Variants in NXPH1 observed in about 807,000 individuals in gnomAD.
NXPH1 encodes neurexophilin-1.
Under a neutral mutation model 23.7 loss-of-function variants are expected in NXPH1, and 5 were observed. That is an observed-to-expected ratio of 0.21 (90% CI 0.11 to 0.44). The LOEUF is 0.44. Among genes scored for constraint, NXPH1 ranks in the 20% least tolerant of loss-of-function variants. The pLI is 0.99. For missense variants in NXPH1, 324 were observed against 321.6 expected, an observed-to-expected ratio of 1.01 and a Z score of -0.06; for synonymous variants, 144 against 122.2, an observed-to-expected ratio of 1.18 and a Z score of -1.18.
intron 2 of NXPH1, among the ~76,000 whole-genome samples, chr7:8,579,646 A>G (rs192274857): frequency 6.6e-6 from 1 of 152,346 alleles, no homozygotes; most frequent in Non-Finnish European, 1.5e-5. Context: ...TGCTGGGATT[A>G]TAGGCGTGAG....
At chr7:8,656,625 G>A (rs1431016129) in intron 2 of NXPH1, among the ~76,000 whole-genome samples, 1 of 150,288 alleles carries the variant, frequency 6.7e-6, no homozygotes, top group Non-Finnish European at 1.5e-5. Context: ...CATGTGTCAT[G>A]CTGGTGCGCT....
chr7:8,478,136 T>C (rs41335449), intron 2 of NXPH1, among the ~76,000 whole-genome samples: 26,562 of 152,052 alleles, frequency 0.17, 3,247 homozygotes, highest in East Asian at 0.58. Flanking sequence ...GAAATTACCT[T>C]GCATGAGAAC....
At chr7:8,620,068 G>T (rs1194035815) in intron 2 of NXPH1, among the ~76,000 whole-genome samples, 2 of 152,154 alleles carry the variant, frequency 1.3e-5, no homozygotes, top group Non-Finnish European at 2.9e-5. Context: ...ACTTAGAGCT[G>T]CCAGAGTAGC....
intron 2 of NXPH1, among the ~76,000 whole-genome samples, chr7:8,636,728 G>T (rs1820223453): frequency 6.6e-6 from 1 of 152,200 alleles, no homozygotes. Context: ...CGTATTCCAC[G>T]TCTGGCTTAA....
chr7:8,628,736 A>G (rs1227866581), intron 2 of NXPH1, among the ~76,000 whole-genome samples: 2 of 152,064 alleles, frequency 1.3e-5, no homozygotes, highest in Admixed American at 6.6e-5. Context: ...AATATAAATG[A>G]ATGTTTTCTG....
chr7:8,523,146 G>T (rs1409824061), intron 2 of NXPH1, among the ~76,000 whole-genome samples: 1 of 152,188 alleles, frequency 6.6e-6, no homozygotes, highest in Non-Finnish European at 1.5e-5. Context: ...CAGTAATGCT[G>T]GCACAGTTTA....
At chr7:8,703,958 G>T (rs563145300) in intron 2 of NXPH1, among the ~76,000 whole-genome samples, 1 of 152,082 alleles carries the variant, frequency 6.6e-6, no homozygotes, top group African/African-American at 2.4e-5. Context: ...GAATACTCCA[G>T]AGGAAGAATG....
chr7:8,653,040 T>C (rs1375042312), intron 2 of NXPH1, among the ~76,000 whole-genome samples: 1 of 152,150 alleles, frequency 6.6e-6, no homozygotes, highest in African/African-American at 2.4e-5. Flanking sequence ...TATTTAAAAT[T>C]CATTTTGTCT....
intron 2 of NXPH1, among the ~76,000 whole-genome samples, chr7:8,683,005 C>G (rs891632365): frequency 6.6e-6 from 1 of 152,158 alleles, no homozygotes; most frequent in East Asian, 1.9e-4. Context: ...TTTTGCATTA[C>G]CATAAAGGAA....
At chr7:8,503,694 T>G (rs976666010) in intron 2 of NXPH1, among the ~76,000 whole-genome samples, 7 of 151,932 alleles carry the variant, frequency 4.6e-5, no homozygotes, top group African/African-American at 7.2e-5. Context: ...TCTGTAACAT[T>G]TCTCTGTTTT....
intron 2 of NXPH1, among the ~76,000 whole-genome samples, chr7:8,659,316 C>G (rs1384217534): frequency 6.6e-6 from 1 of 152,168 alleles, no homozygotes; most frequent in African/African-American, 2.4e-5. Context: ...TATTGTTTCT[C>G]AGACCCTCTA....
At chr7:8,655,394 TTGTCTTTCTCTC>T (rs1414482450) in intron 2 of NXPH1, among the ~76,000 whole-genome samples, 4 of 40,192 alleles carry the variant, frequency 1.0e-4, no homozygotes, top group African/African-American at 3.3e-4. Context: ...GTCTTTGTCT[TTGTCTTTCTCTC>T]TCTCTCTCTC....
At chr7:8,661,701 G>T (rs1445609709) in intron 2 of NXPH1, among the ~76,000 whole-genome samples, 1 of 152,120 alleles carries the variant, frequency 6.6e-6, no homozygotes, top group African/African-American at 2.4e-5. Context: ...TTATATCCCA[G>T]ATATCCCAAA....
At chr7:8,439,542 A>AG (rs537099890) in intron 2 of NXPH1, among the ~76,000 whole-genome samples, 1 of 152,368 alleles carries the variant, frequency 6.6e-6, no homozygotes, top group South Asian at 2.1e-4. Flanking sequence ...TCTAATGAGA[A>AG]GGGGTCCCAC....
At chr7:8,543,749 A>G (rs1818153883) in intron 2 of NXPH1, among the ~76,000 whole-genome samples, 1 of 151,634 alleles carries the variant, frequency 6.6e-6, no homozygotes, top group Non-Finnish European at 1.5e-5. Flanking sequence ...GATCCTTAAT[A>G]AATGCTTGTC....
chr7:8,739,203 A>ATT (rs1780319361), intron 2 of NXPH1, among the ~76,000 whole-genome samples: 1 of 140,000 alleles, frequency 7.1e-6, no homozygotes, highest in Non-Finnish European at 1.6e-5. Context: ...AAAAAAAAAA[A>ATT]ACCCTGCAGC....
rs189503539 is a variant in NXPH1 at position 8,455,733 on chromosome 7, C to T, written c.54+19966C>T. ...CTGCTGCTTATCAGCATCCTCTCTT[C>T]GTTGCTTCTTCCAAAAGGGTTTCAG... On this transcript the variant is annotated intron_variant, in intron 2 of 2. Transcript: ENST00000405863. 1.8e-3 allele frequency among the ~76,000 whole-genome samples: 267 copies of T among 152,314 alleles called. 2 individuals carry two copies. Among genetic ancestry groups the T allele is most frequent in the African/African-American group, 5.9e-3 (247 of 41,576 alleles).
At chr7:8,547,258 C>A (rs991171956) in intron 2 of NXPH1, among the ~76,000 whole-genome samples, 1 of 151,286 alleles carries the variant, frequency 6.6e-6, no homozygotes, top group African/African-American at 2.4e-5. Context: ...GTGGCCTTAA[C>A]GTCATTGAAG....
intron 2 of NXPH1, among the ~76,000 whole-genome samples, chr7:8,619,140 T>C (rs925830470): frequency 1.1e-4 from 16 of 152,194 alleles, no homozygotes; most frequent in African/African-American, 3.9e-4. Flanking sequence ...CCTGGTACCC[T>C]TGGCGAACGT....
Sources: allele counts gnomAD v4.1 joint callset (sites outside exome capture counted in the v4.1 genomes callset), GRCh38; gene constraint gnomAD v4.1.1; transcripts MANE v1.5; gene names NCBI Gene and HGNC (gene_info 2026-07-23, HGNC 2026-07-21).